Variants in MGMT observed in about 807,000 individuals in gnomAD.
MGMT encodes methylated-DNA--protein-cysteine methyltransferase.
Under a neutral mutation model 15.9 loss-of-function variants are expected in MGMT, and 14 were observed. The observed-to-expected ratio is 0.88, with a 90% CI of 0.58 to 1.37. The LOEUF (loss-of-function observed/expected upper bound fraction) is 1.37. Among genes scored for constraint, MGMT ranks in the 40% most tolerant of loss-of-function variants. The pLI, the probability that MGMT is intolerant of heterozygous loss-of-function variation, is 0.00. For missense variants in MGMT, 282 were observed against 268.1 expected (o/e 1.05, Z -0.36); for synonymous variants, 130 against 118.2 (o/e 1.10, Z -0.65).
chr10:129,712,948 G>A (rs1364847927), intron 3 of MGMT, among the ~76,000 whole-genome samples: 1 of 152,072 alleles, frequency 6.6e-6, no homozygotes, highest in African/African-American at 2.4e-5. Flanking sequence ...GGCCCGTTTG[G>A]GTGTTCTTAA....
intron 2 of MGMT, among the ~76,000 whole-genome samples, chr10:129,655,352 T>C (rs10829613): frequency 0.3 from 45,151 of 152,184 alleles, 6,964 homozygotes; most frequent in African/African-American, 0.32. Flanking sequence ...AATGTTTATC[T>C]GTCTTTAGAC....
chr10:129,733,677 T>A (rs1327759033), intron 3 of MGMT, among the ~76,000 whole-genome samples: 2 of 152,016 alleles, frequency 1.3e-5, no homozygotes, highest in Non-Finnish European at 1.5e-5. Flanking sequence ...TTCTTCTAGG[T>A]TTTTTATGGT....
chr10:129,676,752 G>C (rs1295711476), intron 2 of MGMT, among the ~76,000 whole-genome samples: 1 of 151,960 alleles, frequency 6.6e-6, no homozygotes, highest in Non-Finnish European at 1.5e-5. Context: ...GGAATTTCTT[G>C]GTAAATATGC....
intron 1 of MGMT, among the ~76,000 whole-genome samples, chr10:129,477,843 A>G (rs997572016): frequency 1.3e-5 from 2 of 152,182 alleles, no homozygotes; most frequent in Non-Finnish European, 2.9e-5. Flanking sequence ...TCATCAAGGG[A>G]TTGTGTATGA....
intron 2 of MGMT, among the ~76,000 whole-genome samples, chr10:129,547,002 G>A (rs2119780585): frequency 6.6e-6 from 1 of 152,288 alleles, no homozygotes; most frequent in East Asian, 1.9e-4. Flanking sequence ...TTTGTTCTTG[G>A]AGCTCTGTGT....
At chr10:129,713,474 G>C (rs1057334667) in intron 3 of MGMT, among the ~76,000 whole-genome samples, 3 of 152,162 alleles carry the variant, frequency 2.0e-5, no homozygotes, top group Non-Finnish European at 4.4e-5. Flanking sequence ...CCCATCCACA[G>C]CTGAGAGTGG....
intron 3 of MGMT, among the ~76,000 whole-genome samples, chr10:129,755,131 C>T (rs943017596): frequency 6.6e-6 from 1 of 152,262 alleles, no homozygotes; most frequent in African/African-American, 2.4e-5. Flanking sequence ...TCTGTGCCTT[C>T]TGCCCAGGTT....
At chr10:129,639,720 T>C (rs79539508) in intron 2 of MGMT, among the ~76,000 whole-genome samples, 5 of 152,158 alleles carry the variant, frequency 3.3e-5, no homozygotes, top group African/African-American at 1.2e-4. Context: ...ATTAAGTTTT[T>C]ATAATAGCAA....
intron 2 of MGMT, among the ~76,000 whole-genome samples, chr10:129,614,656 G>A (rs1226664790): frequency 6.6e-6 from 1 of 152,160 alleles, no homozygotes; most frequent in Non-Finnish European, 1.5e-5. Flanking sequence ...ATTGCACTTG[G>A]TCTCTTGACC....
intron 1 of MGMT, among the ~76,000 whole-genome samples, chr10:129,490,132 C>T (rs1184067577): frequency 1.3e-5 from 2 of 152,042 alleles, no homozygotes; most frequent in South Asian, 2.1e-4. Context: ...TTTTGCTTCC[C>T]TCCAGGAGGG....
At chr10:129,563,976 T>A (rs79685891) in intron 2 of MGMT, 4,073 of 152,446 alleles carry the variant, frequency 0.027, 90 homozygotes, top group South Asian at 0.064. Flanking sequence ...CCTTGTGTGT[T>A]TGGAAGTAGC....
chr10:129,545,489 AC>A (rs1465637116), intron 2 of MGMT, among the ~76,000 whole-genome samples: 1 of 152,214 alleles, frequency 6.6e-6, no homozygotes, highest in African/African-American at 2.4e-5. Context: ...GAGCTCGCAT[AC>A]GTGCTGGTAT....
intron 2 of MGMT, among the ~76,000 whole-genome samples, chr10:129,553,571 G>A (rs1052657274): frequency 2.6e-5 from 4 of 152,306 alleles, no homozygotes; most frequent in South Asian, 2.1e-4. Flanking sequence ...TTCAGCAAAC[G>A]CTGATGGAGC....
intron 2 of MGMT, among the ~76,000 whole-genome samples, chr10:129,669,758 A>C (rs1847701014): frequency 6.6e-6 from 1 of 152,218 alleles, no homozygotes; most frequent in African/African-American, 2.4e-5. Flanking sequence ...GTGGGAATAG[A>C]AATCTGGAGA....
chr10:129,626,100 C>T (rs1416891598), intron 2 of MGMT, among the ~76,000 whole-genome samples: 43 of 152,152 alleles, frequency 2.8e-4, no homozygotes, highest in Admixed American at 2.7e-3. Context: ...GCCAACGGGG[C>T]AGCCACTGTT....
At chr10:129,573,261 A>AT (rs1418517865) in intron 2 of MGMT, among the ~76,000 whole-genome samples, 1 of 152,168 alleles carries the variant, frequency 6.6e-6, no homozygotes, top group Non-Finnish European at 1.5e-5. Flanking sequence ...TTTTTTCAGA[A>AT]TAAGAAATTC....
At chr10:129,544,029 A>G (rs1334464079) in intron 2 of MGMT, among the ~76,000 whole-genome samples, 3 of 136,492 alleles carry the variant, frequency 2.2e-5, no homozygotes, top group Admixed American at 7.6e-5. Flanking sequence ...ATGTTAAAAT[A>G]AAACCCCTTA....
intron 2 of MGMT, among the ~76,000 whole-genome samples, chr10:129,551,863 C>T (rs1055926286): frequency 1.3e-5 from 2 of 152,158 alleles, no homozygotes; most frequent in Admixed American, 6.5e-5. Context: ...AAGGGCACCC[C>T]TCGCTGTCCA....
At chr10:129,520,763 C>A (rs1223187351) in intron 1 of MGMT, among the ~76,000 whole-genome samples, 2 of 150,976 alleles carry the variant, frequency 1.3e-5, no homozygotes, top group Non-Finnish European at 3.0e-5. Flanking sequence ...GGGTGCAGAA[C>A]CCCTAAGGTG....
Sources: allele counts gnomAD v4.1 joint callset (sites outside exome capture counted in the v4.1 genomes callset), GRCh38; gene constraint gnomAD v4.1.1; transcripts MANE v1.5; gene names NCBI Gene and HGNC (gene_info 2026-07-23, HGNC 2026-07-21).